The following ALK variants were observed in gnomAD, a reference collection of about 807,000 sequenced individuals.
ALK encodes ALK tyrosine kinase receptor.
ALK carries 74 observed loss-of-function variants against 163.1 expected under a neutral mutation model. That is an observed-to-expected ratio of 0.45 (90% CI 0.38 to 0.55). ALK has a LOEUF of 0.55. ALK is among the 20% of genes least tolerant of loss of function. ALK has a pLI of 0.00. For synonymous variants in ALK, 960 were observed against 843.2 expected, an observed-to-expected ratio of 1.14 and a Z score of -2.40; for missense variants, 2,063 against 2,105.3, an observed-to-expected ratio of 0.98 and a Z score of 0.39.
intron 4 of ALK, among the ~76,000 whole-genome samples, chr2:29,519,154 G>A (rs1672747736): frequency 6.6e-6 from 1 of 152,150 alleles, no homozygotes; most frequent in African/African-American, 2.4e-5. Flanking sequence ...CAAAGCCAAG[G>A]GGATATCAGC....
intron 3 of ALK, among the ~76,000 whole-genome samples, chr2:29,578,786 A>G (rs751019861): frequency 3.3e-5 from 5 of 152,208 alleles, no homozygotes; most frequent in East Asian, 1.9e-4. Flanking sequence ...TCTAAGGGCC[A>G]GAGCAGTGAA....
chr2:29,510,812 C>A (rs569810297), intron 4 of ALK, among the ~76,000 whole-genome samples: 55 of 152,236 alleles, frequency 3.6e-4, no homozygotes, highest in African/African-American at 1.3e-3. Flanking sequence ...AGGAAGAGAA[C>A]AGAGTGGGCT....
chr2:29,621,073 G>C (rs1676022189), intron 3 of ALK, among the ~76,000 whole-genome samples: 1 of 152,150 alleles, frequency 6.6e-6, no homozygotes, highest in African/African-American at 2.4e-5. Context: ...ATGAGGCTTT[G>C]GCTGCCATCC....
intron 1 of ALK, among the ~76,000 whole-genome samples, chr2:29,895,428 G>C (rs1406388423): frequency 6.6e-6 from 1 of 152,214 alleles, no homozygotes; most frequent in Non-Finnish European, 1.5e-5. Context: ...GTTTAAGACT[G>C]AAAGGCTTGG....
chr2:29,361,146 AC>A (rs1456283187), intron 5 of ALK, among the ~76,000 whole-genome samples: 2 of 152,132 alleles, frequency 1.3e-5, no homozygotes, highest in African/African-American at 2.4e-5. Context: ...TCAAATCAAT[AC>A]CCCTGACTGG....
chr2:29,359,725 C>T (rs74768681), intron 5 of ALK, among the ~76,000 whole-genome samples: 2,639 of 152,296 alleles, frequency 0.017, 38 homozygotes, highest in East Asian at 0.084. Context: ...TCCCAGAAGG[C>T]GGCCAGCACC....
chr2:29,800,411 T>A (rs1182148072), intron 1 of ALK, among the ~76,000 whole-genome samples: 2 of 152,222 alleles, frequency 1.3e-5, no homozygotes, highest in African/African-American at 4.8e-5. Context: ...TTGGTTTTAT[T>A]GCGTTCACAG....
At chr2:29,311,199 A>G (rs1666685286) in intron 8 of ALK, among the ~76,000 whole-genome samples, 2 of 152,226 alleles carry the variant, frequency 1.3e-5, no homozygotes, top group African/African-American at 2.4e-5. Flanking sequence ...AGGGGCAACC[A>G]TAGTTGAAGC....
chr2:29,355,889 T>C (rs1668235207), intron 5 of ALK, among the ~76,000 whole-genome samples: 1 of 152,154 alleles, frequency 6.6e-6, no homozygotes. Context: ...CTCTCTGGCT[T>C]CCACCTAGGC....
At chr2:29,325,084 T>C (rs1667211984) in intron 6 of ALK, among the ~76,000 whole-genome samples, 1 of 152,284 alleles carries the variant, frequency 6.6e-6, no homozygotes, top group South Asian at 2.1e-4. Context: ...TGAGGCTGGC[T>C]TTTGGTAGGG....
intron 12 of ALK, among the ~76,000 whole-genome samples, chr2:29,246,000 A>G (rs1232940919): frequency 2.0e-5 from 3 of 152,270 alleles, no homozygotes; most frequent in Non-Finnish European, 4.4e-5. Context: ...GCCCAAGGTC[A>G]GTTGGCTCCA....
At chr2:29,332,185 C>A (rs1026776824) in intron 5 of ALK, among the ~76,000 whole-genome samples, 1 of 146,248 alleles carries the variant, frequency 6.8e-6, no homozygotes, top group African/African-American at 2.5e-5. Flanking sequence ...ACTTTGGAGA[C>A]TGAGGCAGGA....
intron 1 of ALK, among the ~76,000 whole-genome samples, chr2:29,798,698 T>A (rs1026397850): frequency 6.6e-6 from 1 of 152,336 alleles, no homozygotes; most frequent in African/African-American, 2.4e-5. Flanking sequence ...GGTAGGATGA[T>A]AATAACCCAA....
chr2:29,435,510 A>G (rs1388186958), intron 4 of ALK, among the ~76,000 whole-genome samples: 1 of 152,110 alleles, frequency 6.6e-6, no homozygotes, highest in East Asian at 1.9e-4. Flanking sequence ...CCACGTTCTC[A>G]TCTAGTTTTG....
chr2:29,247,497 C>T (rs1664710900), intron 12 of ALK, among the ~76,000 whole-genome samples: 1 of 152,214 alleles, frequency 6.6e-6, no homozygotes, highest in Non-Finnish European at 1.5e-5. Flanking sequence ...CAGGGTTGCA[C>T]CCAAGCCCCC....
chr2:29,824,707 C>A (rs1039777716), intron 1 of ALK, among the ~76,000 whole-genome samples: 4 of 152,226 alleles, frequency 2.6e-5, no homozygotes, highest in Non-Finnish European at 5.9e-5. Flanking sequence ...GCCTGTACCC[C>A]CATTGTATCT....
intron 4 of ALK, among the ~76,000 whole-genome samples, chr2:29,449,988 T>C (rs1162983873): frequency 2.0e-5 from 3 of 152,032 alleles, no homozygotes; most frequent in African/African-American, 7.2e-5. Context: ...GCACATGGCA[T>C]TGGAGGAATA....
At chr2:29,575,016 C>T (rs1255444152) in intron 3 of ALK, among the ~76,000 whole-genome samples, 3 of 152,196 alleles carry the variant, frequency 2.0e-5, no homozygotes, top group African/African-American at 7.2e-5. Flanking sequence ...GCTGCAAACA[C>T]AGCCCCGTTT....
At chr2:29,822,582 A>C (rs984855641) in intron 1 of ALK, among the ~76,000 whole-genome samples, 15 of 152,172 alleles carry the variant, frequency 9.9e-5, no homozygotes. Flanking sequence ...AGTGGTGTGT[A>C]AAAATTGACC....
Sources: allele counts gnomAD v4.1 joint callset (sites outside exome capture counted in the v4.1 genomes callset), GRCh38; gene constraint gnomAD v4.1.1; transcripts MANE v1.5; gene names NCBI Gene and HGNC (gene_info 2026-07-23, HGNC 2026-07-21).